KRTAP29-1: variants seen among roughly 807,000 people sequenced by gnomAD.
KRTAP29-1 encodes keratin associated like protein 29-1, also known as keratin-associated protein 29-1.
For missense variants in KRTAP29-1, 419 were observed against 412.1 expected (o/e 1.02, Z -0.14); for synonymous variants, 142 against 153.6 (o/e 0.92, Z 0.56).
rs778579772 is a variant in KRTAP29-1, at chr17:41,302,200, A to T, written c.652T>A (p.Ser218Thr). Reference sequence around the variant, plus strand: ...CAGGGAACAGGCATGTAGAGGGCTGATTGGCAAGGCTTGAAAATATAGCAG... The same window carrying T: ...CAGGGAACAGGCATGTAGAGGGCTGTTTGGCAAGGCTTGAAAATATAGCAG... Reference protein sequence around the residue: ...PICYIFKPCQSALYMPVPCQP... With the variant: ...PICYIFKPCQTALYMPVPCQP... Residue 218 changes from serine (S) to threonine (T), a missense_variant, in exon 1 of 1, where the codon TCA (serine) becomes ACA (threonine). Ser to Thr is a moderately conservative substitution (Grantham distance 58). Transcript: ENST00000391353. The T allele has an allele frequency of 1.3e-6, 2 of 1,550,548 alleles. No homozygotes were observed. Among genetic ancestry groups the T allele is most frequent in the Non-Finnish European group, 1.7e-6 (2 of 1,146,988 alleles).
rs114857837 is a variant in KRTAP29-1 at position 41,302,230 on chromosome 17, G to C, written c.622C>G (p.Pro208Ala). ...GQPCKSTYYQPICYIFKPCQS... is the reference protein window; with the variant it reads ...GQPCKSTYYQAICYIFKPCQS... ...CAAGGCTTGAAAATATAGCAGATGG[G>C]TTGATAATAAGTTGATTTACAGGGC... The change falls in exon 1 of 1, where the codon CCC becomes GCC. Residue 208 changes from proline to alanine, a missense_variant. Coordinates refer to ENST00000391353, the MANE Select transcript of KRTAP29-1 (RefSeq NM_001257309.1). 470 of 1,550,502 alleles carry C rather than the reference G, an allele frequency of 3.0e-4. 4 individuals carry two copies. The African/African-American group carries it at 5.9e-3, about 19-fold the overall frequency.
In KRTAP29-1 at chr17:41,302,225, G is replaced by A; in HGVS notation, c.627C>T (p.Ile209=). 5 of 1,550,530 alleles carry A rather than the reference G, an allele frequency of 3.2e-6. No individual in the cohort carries two copies. The highest frequency in any genetic ancestry group is 4.4e-6 in the Non-Finnish European group (5 of 1,146,972). Residue 209 remains isoleucine (I), a synonymous_variant, in exon 1 of 1, where the codon ATC becomes ATT. Transcript: ENST00000391353. ...QPCKSTYYQP[I]CYIFKPCQSA... The stretch of plus-strand genomic sequence containing the variant: ...ATTGGCAAGGCTTGAAAATATAGCA[G>A]ATGGGTTGATAATAAGTTGATTTAC...
chr17:41,302,309 G>A lies in KRTAP29-1; in HGVS notation c.543C>T (p.Cys181=), dbSNP rs1390674146. The A allele has an allele frequency of 4.5e-6, 7 of 1,550,344 alleles. No homozygotes were observed. Among genetic ancestry groups the A allele is most frequent in the Non-Finnish European group, 6.1e-6 (7 of 1,146,954 alleles). Residue 181 remains cysteine, a synonymous_variant, in exon 1 of 1, where the codon TGC becomes TGT. Transcript: ENST00000391353. ...AACTTCCTTGGCACCAAGTTGGTTG[G>A]CATGGACTAGCTGTACAGATGGTTG... is the stretch of plus-strand genomic sequence containing the variant. ...CLPTICTASP[C]QPTWCQGSSC...
Position 41,302,536 on chromosome 17 carries a change from A to T in KRTAP29-1, c.316T>A (p.Cys106Ser), listed in dbSNP as rs1314865113. The change falls in exon 1 of 1, where the codon TGT becomes AGT. Residue 106 changes from cysteine (C) to serine (S), a missense_variant. Cys to Ser is a moderately radical substitution (Grantham distance 112, BLOSUM62 -1). Transcript: ENST00000391353. Reference protein sequence around the residue: ...TGQSPCLVSSCQPSCSESTCC... With the variant: ...TGQSPCLVSSSQPSCSESTCC... ...GTAGATTCCGAGCAGGATGGCTGAC[A>T]TGAGCTAACCAGACAAGGAGACTGA... The T allele has an allele frequency of 1.9e-6, 3 of 1,550,616 alleles. No homozygotes were observed. Among genetic ancestry groups the T allele is most frequent in the African/African-American group, 2.7e-5 (2 of 73,174 alleles).
In KRTAP29-1 at chr17:41,302,238, T is replaced by C; in HGVS notation, c.614A>G (p.Tyr205Cys). 6.4e-7 allele frequency: 1 copy of C among 1,550,440 alleles called. No homozygotes were observed. The stretch of plus-strand genomic sequence containing the variant: ...GAAAATATAGCAGATGGGTTGATAA[T>C]AAGTTGATTTACAGGGCTGGCCTTC... ...SGEGQPCKST[Y>C]YQPICYIFKP... Residue 205 changes from tyrosine (Y) to cysteine (C), a missense_variant, in exon 1 of 1, where the codon TAT becomes TGT. Transcript: ENST00000391353.
At position 41,302,416 on chromosome 17, in the gene KRTAP29-1, C is replaced by T. The variant is rs1179258570; in HGVS notation, c.436G>A (p.Gly146Ser). The change falls in exon 1 of 1, where the codon GGC becomes AGC. Residue 146 changes from glycine to serine, a missense_variant. Gly to Ser is a moderately conservative substitution (Grantham distance 56). Coordinates refer to ENST00000391353, the MANE Select transcript of KRTAP29-1 (RefSeq NM_001257309.1). ...CCAGCATCACAGCAGACTGATTGGC[C>T]ACAAGCTGCCTGACATGATCCAGAC... Reference protein sequence around the residue: ...CMSGSCQAACGQSVCCDAGSC... With the variant: ...CMSGSCQAACSQSVCCDAGSC... The T allele has an allele frequency of 1.9e-6, 3 of 1,550,378 alleles. No individual in the cohort carries two copies. Among genetic ancestry groups the T allele is most frequent in the Non-Finnish European group, 2.6e-6 (3 of 1,146,980 alleles).
rs1291325351 is a variant in KRTAP29-1, at chr17:41,302,488, C to G, written c.364G>C (p.Asp122His). 1 of 1,550,298 alleles carries G rather than the reference C, an allele frequency of 6.5e-7. No homozygotes were observed. The highest frequency in any genetic ancestry group is 1.4e-5 in the African/African-American group (1 of 73,008). The stretch of plus-strand genomic sequence containing the variant: ...GAGCTTTGCTGGCAGGGACTGGCAT[C>G]GCAGCACTTTTCCTGACAACAAGTA... ...ESTCCQEKCC[D>H]ASPCQQSSCQ... Residue 122 changes from aspartate (D) to histidine (H), a missense_variant, in exon 1 of 1, where the codon GAT becomes CAT. Asp to His is a moderately conservative substitution (Grantham distance 81). Transcript: ENST00000391353.
In KRTAP29-1 at chr17:41,302,565, G is replaced by C; in HGVS notation, c.287C>G (p.Thr96Ser). The C allele has an allele frequency of 1.3e-6, 2 of 1,550,662 alleles. No homozygotes were observed. The highest frequency in any genetic ancestry group is 1.2e-5 in the South Asian group (1 of 84,066). Residue 96 changes from threonine (T) to serine (S), a missense_variant, in exon 1 of 1, where the codon ACT (threonine) becomes AGT (serine). Coordinates refer to ENST00000391353, the MANE Select transcript of KRTAP29-1 (RefSeq NM_001257309.1). The part of the protein sequence containing the change: ...CSHAACYQSG[T>S]GQSPCLVSSC... ...GCTAACCAGACAAGGAGACTGACCA[G>C]TGCCAGACTGATAGCAGGCTGCGTG...
chr17:41,301,934 AGCT>A lies in KRTAP29-1; in HGVS notation c.915_917del (p.Ala306del). ...ATGTGCCTAAACCAGTCACACAGCA[AGCT>A]GATTTGCAGCCACTCTGGTTATAGG... On this transcript the variant is annotated inframe_deletion, in exon 1 of 1. Coordinates refer to ENST00000391353, the MANE Select transcript of KRTAP29-1 (RefSeq NM_001257309.1). The A allele has an allele frequency of 3.9e-6, 6 of 1,550,612 alleles. No individual in the cohort carries two copies. The highest frequency in any genetic ancestry group is 5.2e-6 in the Non-Finnish European group (6 of 1,147,006).
chr17:41,302,672 A>G lies in KRTAP29-1; in HGVS notation c.180T>C (p.Ser60=). 6.4e-7 allele frequency: 1 copy of G among 1,550,646 alleles called. No homozygotes were observed. Among genetic ancestry groups the G allele is most frequent in the Non-Finnish European group, 8.7e-7 (1 of 1,146,992 alleles). The part of the protein sequence containing the change: ...ESCQPSIGAP[S]GCDPASCQPT... ...GTTGACACGAAGCAGGATCACAGCC[A>G]CTTGGGGCACCAATGGATGGCTGAC... Residue 60 remains serine (S), a synonymous_variant, in exon 1 of 1, where the codon AGT becomes AGC. Transcript: ENST00000391353.
In KRTAP29-1 at chr17:41,302,386, A is replaced by G; in HGVS notation, c.466T>C (p.Cys156Arg). The change falls in exon 1 of 1, where the codon TGC becomes CGC. Residue 156 changes from cysteine to arginine, a missense_variant. Cys to Arg is a radical substitution (Grantham distance 180). Coordinates refer to ENST00000391353, the MANE Select transcript of KRTAP29-1 (RefSeq NM_001257309.1). Reference protein sequence around the residue: ...GQSVCCDAGSCQPSCSEVTSC... With the variant: ...GQSVCCDAGSRQPSCSEVTSC... ...GTCACTTCAGAGCAGGATGGCTGGCAGGATCCAGCATCACAGCAGACTGAT... is the reference window on the plus strand; with the variant it reads ...GTCACTTCAGAGCAGGATGGCTGGCGGGATCCAGCATCACAGCAGACTGAT... 6.4e-7 allele frequency: 1 copy of G among 1,550,630 alleles called. No individual in the cohort carries two copies. Among genetic ancestry groups the G allele is most frequent in the South Asian group, 1.2e-5 (1 of 84,068 alleles).
chr17:41,301,987 G>A, the KRTAP29-1 span: 1 of 1,550,490 alleles, frequency 6.4e-7, no homozygotes. Context: ...CAAGTTGGTT[G>A]GCCAGAAATC....
At position 41,301,834 on chromosome 17, in the gene KRTAP29-1, G is replaced by A. The variant is rs1248530048; in HGVS notation, c.1018C>T (p.Leu340Phe). ...GTGTGAAGAGGGCTCCATTAACAAA[G>A]TGTTGCCTTGCAGAAGCTGGACTCA... Reference protein sequence around the residue: ...SCESSFCKATLC With the variant: ...SCESSFCKATFC Residue 340 changes from leucine to phenylalanine, a missense_variant, in exon 1 of 1, where the codon CTT becomes TTT. Transcript: ENST00000391353. The A allele has an allele frequency of 3.2e-6, 5 of 1,550,168 alleles. No homozygotes were observed. The highest frequency in any genetic ancestry group is 3.5e-6 in the Non-Finnish European group (4 of 1,146,738).
In KRTAP29-1 at chr17:41,302,461, A is replaced by G; in HGVS notation, c.391T>C (p.Cys131Arg). Residue 131 changes from cysteine to arginine, a missense_variant, in exon 1 of 1, where the codon TGC (cysteine) becomes CGC (arginine). By Grantham distance (180) the Cys-to-Arg change is radical. Coordinates refer to ENST00000391353, the MANE Select transcript of KRTAP29-1 (RefSeq NM_001257309.1). ...CCAGACATGCAGACAGATTCCTGGC[A>G]GGAGCTTTGCTGGCAGGGACTGGCA... ...CDASPCQQSS[C>R]QESVCMSGSC... 6.4e-7 allele frequency: 1 copy of G among 1,550,584 alleles called. No individual in the cohort carries two copies. Among genetic ancestry groups the G allele is most frequent in the African/African-American group, 1.4e-5 (1 of 73,184 alleles).
chr17:41,302,544 A>C lies in KRTAP29-1; in HGVS notation c.308T>G (p.Val103Gly). 1 of 1,550,634 alleles carries C rather than the reference A, an allele frequency of 6.4e-7. No individual in the cohort carries two copies. Among genetic ancestry groups the C allele is most frequent in the East Asian group, 2.4e-5 (1 of 40,924 alleles). ...CGAGCAGGATGGCTGACATGAGCTAACCAGACAAGGAGACTGACCAGTGCC... is the reference window on the plus strand; with the variant it reads ...CGAGCAGGATGGCTGACATGAGCTACCCAGACAAGGAGACTGACCAGTGCC... ...QSGTGQSPCL[V>G]SSCQPSCSES... The change falls in exon 1 of 1, where the codon GTT (valine) becomes GGT (glycine). Residue 103 changes from valine to glycine, a missense_variant. By Grantham distance (109) the Val-to-Gly change is moderately radical (BLOSUM62 -3). Transcript: ENST00000391353.
rs1005197 is a variant in KRTAP29-1 at position 41,302,513 on chromosome 17, A to G, written c.339T>C (p.Ser113=). The G allele has an allele frequency of 0.73, 1,132,994 of 1,550,388 alleles. 416,781 individuals are homozygous for G. Among genetic ancestry groups the G allele is most frequent in the Admixed American group, 0.81 (41,496 of 50,996 alleles). ...CGCAGCACTTTTCCTGACAACAAGT[A>G]GATTCCGAGCAGGATGGCTGACATG... ...VSSCQPSCSE[S]TCCQEKCCDA... Residue 113 remains serine, a synonymous_variant, in exon 1 of 1, where the codon TCT becomes TCC. Coordinates refer to ENST00000391353, the MANE Select transcript of KRTAP29-1 (RefSeq NM_001257309.1).
chr17:41,302,329 T>C lies in KRTAP29-1; in HGVS notation c.523A>G (p.Ile175Val), dbSNP rs1479675994. The change falls in exon 1 of 1, where the codon ATC becomes GTC. Residue 175 changes from isoleucine to valine, a missense_variant. Coordinates refer to ENST00000391353, the MANE Select transcript of KRTAP29-1 (RefSeq NM_001257309.1). ...GGTTGGCATGGACTAGCTGTACAGATGGTTGGTAGGCAAGAAGTTTCCGGA... is the reference window on the plus strand; with the variant it reads ...GGTTGGCATGGACTAGCTGTACAGACGGTTGGTAGGCAAGAAGTTTCCGGA... ...SCPETSCLPT[I>V]CTASPCQPTW... 7.5e-6 allele frequency: 8 copies of C among 1,063,986 alleles called. No individual in the cohort carries two copies. In the African/African-American group the frequency reaches 8.9e-5, roughly 12 times the overall value. The allele number at this position is 1,063,986 out of a possible 1,614,324, so 65.9% of individuals were successfully genotyped here.
rs1404322852 is a variant in KRTAP29-1, at chr17:41,302,269, T to C, written c.583A>G (p.Ser195Gly). The change falls in exon 1 of 1, where the codon AGT (serine) becomes GGT (glycine). Residue 195 changes from serine (S) to glycine (G), a missense_variant. Transcript: ENST00000391353. The part of the protein sequence containing the change: ...WCQGSSCQPV[S>G]GEGQPCKSTY... ...GATTTACAGGGCTGGCCTTCACCAC[T>C]GACGGGTTGACATGAACTTCCTTGG... 3.9e-6 allele frequency: 6 copies of C among 1,550,538 alleles called. No homozygotes were observed. Among genetic ancestry groups the C allele is most frequent in the Non-Finnish European group, 5.2e-6 (6 of 1,146,980 alleles).
rs2016832992 is a variant in KRTAP29-1 at position 41,301,868 on chromosome 17, T to C, written c.984A>G (p.Gln328=). The C allele has an allele frequency of 6.4e-7, 1 of 1,550,578 alleles. No individual in the cohort carries two copies. The highest frequency in any genetic ancestry group is 2.0e-5 in the Admixed American group (1 of 51,008). The change falls in exon 1 of 1, where the codon CAA becomes CAG. Residue 328 remains glutamine (Q), a synonymous_variant. Coordinates refer to ENST00000391353, the MANE Select transcript of KRTAP29-1 (RefSeq NM_001257309.1). Reference sequence around the variant, plus strand: ...TGCAGAAGCTGGACTCACAGCTGGGTTGGCATGAAGTCGGCAAGCAATTGG... The same window carrying C: ...TGCAGAAGCTGGACTCACAGCTGGGCTGGCATGAAGTCGGCAAGCAATTGG... ...SGSNCLPTSC[Q]PSCESSFCKA...
Sources: allele counts gnomAD v4.1 joint callset, GRCh38; gene constraint gnomAD v4.1.1; transcripts MANE v1.5; gene names NCBI Gene and HGNC (gene_info 2026-07-23, HGNC 2026-07-21).